Variants in SLC13A4 observed in about 807,000 individuals in gnomAD.
SLC13A4 encodes the protein Na(+)/sulfate cotransporter SUT-1.
In SLC13A4, 28 loss-of-function variants were observed where a neutral mutation model predicts 72.7. The ratio of observed to expected loss-of-function variants is 0.39; its 90% CI spans 0.29 to 0.53. SLC13A4 has a LOEUF of 0.53. SLC13A4 is among the 20% of genes least tolerant of loss of function. The pLI, the probability that SLC13A4 is intolerant of heterozygous loss-of-function variation, is 0.78. For missense variants in SLC13A4, 653 were observed against 788.0 expected, an observed-to-expected ratio of 0.83 and a Z score of 2.05; for synonymous variants, 312 against 325.5, an observed-to-expected ratio of 0.96 and a Z score of 0.45.
At chr7:135,726,973 G>A (rs960969961) in intron 1 of SLC13A4, among the ~76,000 whole-genome samples, 2 of 152,146 alleles carry the variant, frequency 1.3e-5, no homozygotes, top group African/African-American at 4.8e-5. Context: ...CTTCTCCTCA[G>A]TGCCACTATT....
intron 13 of SLC13A4, among the ~76,000 whole-genome samples, chr7:135,686,532 C>A (rs1337666489): frequency 6.6e-6 from 1 of 152,144 alleles, no homozygotes; most frequent in African/African-American, 2.4e-5. Context: ...CATACCATCA[C>A]GCCCTGCTCT....
intron 13 of SLC13A4, among the ~76,000 whole-genome samples, chr7:135,689,465 G>T (rs922009843): frequency 1.3e-5 from 2 of 152,186 alleles, no homozygotes; most frequent in African/African-American, 2.4e-5. Flanking sequence ...TGAATCAGAG[G>T]TGAGAGATGG....
chr7:135,716,671 A>G (rs1796440398), intron 2 of SLC13A4, among the ~76,000 whole-genome samples: 2 of 152,188 alleles, frequency 1.3e-5, no homozygotes, highest in African/African-American at 2.4e-5. Flanking sequence ...TTAAGAGCTC[A>G]AGTTCTGGAA....
At chr7:135,692,275 G>T in intron 11 of SLC13A4, 48 bp downstream of exon 11, 1 of 1,332,512 alleles carries the variant, frequency 7.5e-7, no homozygotes, top group Non-Finnish European at 1.1e-6. Flanking sequence ...CTTGCCTGAA[G>T]AATTGGGGTG....
Position 135,681,295 on chromosome 7 carries a change from G to A in SLC13A4, c.*268C>T, listed in dbSNP as rs1795492340. The A allele has an allele frequency of 2.8e-6, 1 of 352,874 alleles. No individual in the cohort carries two copies. The highest frequency in any genetic ancestry group is 1.5e-4 in the South Asian group (1 of 6,854). The allele number at this position is 352,874 out of a possible 1,614,324, so 21.9% of individuals were successfully genotyped here. ...TTATTTTCTTTTTCTTTTTCTGTGA[G>A]CCTATGGCTTGTATTGAAACTTTAG... On this transcript the variant is annotated 3_prime_UTR_variant, in exon 16 of 16. Coordinates refer to ENST00000682651, the MANE Select transcript of SLC13A4 (RefSeq NM_001318192.2).
rs1475734041 is a variant in SLC13A4, at chr7:135,727,629, G to C, written c.-133C>G. On this transcript the variant is annotated 5_prime_UTR_variant, in exon 1 of 16. Coordinates refer to ENST00000682651, the MANE Select transcript of SLC13A4 (RefSeq NM_001318192.2). ...CTTCCGAGAGTCCTCCTTCGTCTTG[G>C]GGGCAGAACGGGAGGGCAGTTATAC... 4.3e-6 allele frequency: 5 copies of C among 1,159,050 alleles called. No individual in the cohort carries two copies. The highest frequency in any genetic ancestry group is 5.9e-6 in the Non-Finnish European group (5 of 845,908). The allele number at this position is 1,159,050 out of a possible 1,614,324, so 71.8% of individuals were successfully genotyped here.
chr7:135,683,457 C>T (rs1468877363), intron 15 of SLC13A4: 18 of 984,700 alleles, frequency 1.8e-5, no homozygotes, highest in African/African-American at 3.5e-5. Context: ...ATCAGTAATT[C>T]GTATCAGTGT....
At chr7:135,709,449 T>C (rs1796248764) in intron 2 of SLC13A4, among the ~76,000 whole-genome samples, 2 of 150,868 alleles carry the variant, frequency 1.3e-5, no homozygotes, top group Non-Finnish European at 2.9e-5. Context: ...AGACAGGGTC[T>C]CACTCTGTCA....
intron 2 of SLC13A4, among the ~76,000 whole-genome samples, chr7:135,712,946 C>T (rs1796336235): frequency 6.6e-6 from 1 of 152,208 alleles, no homozygotes; most frequent in Non-Finnish European, 1.5e-5. Context: ...ATAGCCTCTG[C>T]CCAGGGAGCC....
At chr7:135,699,238 C>G in intron 8 of SLC13A4, 126 bp downstream of exon 8, 1 of 973,428 alleles carries the variant, frequency 1.0e-6, no homozygotes. Flanking sequence ...CTGTGCTCAG[C>G]CTGTTTTTCC....
rs1343663099 is a variant in SLC13A4, at chr7:135,705,630, G to A, written c.559C>T (p.Gln187Ter). 6.2e-7 allele frequency: 1 copy of A among 1,613,974 alleles called. No homozygotes were observed. The highest frequency in any genetic ancestry group is 2.2e-5 in the East Asian group (1 of 44,894). Residue 187 changes from glutamine to a stop codon, truncating the protein, a stop_gained, in exon 5 of 16, where the codon CAA (glutamine) becomes TAA (stop). Coordinates refer to ENST00000682651, the MANE Select transcript of SLC13A4 (RefSeq NM_001318192.2). LOFTEE classifies it high-confidence loss of function. ...EPISLDVKNS[Q>*]PSLELIFVNE... ...ACAAAGATGAGTTCCAGAGAAGGTTGGCTGTTCTTTACATCCAGACCTATG... is the reference window on the plus strand; with the variant it reads ...ACAAAGATGAGTTCCAGAGAAGGTTAGCTGTTCTTTACATCCAGACCTATG...
chr7:135,706,584 A>G (rs1796167155), intron 3 of SLC13A4, among the ~76,000 whole-genome samples: 1 of 152,268 alleles, frequency 6.6e-6, no homozygotes, highest in Non-Finnish European at 1.5e-5. Context: ...TAGTAGGGCC[A>G]CAGGGTGTAG....
intron 2 of SLC13A4, among the ~76,000 whole-genome samples, chr7:135,711,688 C>A (rs575702462): frequency 6.6e-6 from 1 of 152,262 alleles, no homozygotes; most frequent in East Asian, 1.9e-4. Flanking sequence ...CCATCTGATT[C>A]AACTCTAGGG....
At chr7:135,683,328 TA>T in intron 15 of SLC13A4, 1 of 240,608 alleles carries the variant, frequency 4.2e-6, no homozygotes, top group Non-Finnish European at 5.6e-6. Flanking sequence ...AAAAAAAGGA[TA>T]AAAAAGGACC....
At chr7:135,726,818 T>C (rs1220235284) in intron 1 of SLC13A4, among the ~76,000 whole-genome samples, 1 of 152,194 alleles carries the variant, frequency 6.6e-6, no homozygotes, top group Non-Finnish European at 1.5e-5. Flanking sequence ...GCCTGCTAAG[T>C]TCTGCTTTCA....
intron 2 of SLC13A4, among the ~76,000 whole-genome samples, chr7:135,710,882 C>T (rs1796285065): frequency 6.6e-6 from 1 of 151,730 alleles, no homozygotes; most frequent in Admixed American, 6.6e-5. Context: ...CATTCCTCAG[C>T]GGACTACTGT....
rs1182877781 is a variant in SLC13A4 at position 135,727,440 on chromosome 7, G to T, written c.57C>A (p.Val19=). 3 of 1,550,062 alleles carry T rather than the reference G, an allele frequency of 1.9e-6. No individual in the cohort carries two copies. The highest frequency in any genetic ancestry group is 2.6e-6 in the Non-Finnish European group (3 of 1,146,922). ...RVRKLLLVVC[V]PLLLLPLPVL... ...CGGGCAGAGGCAGCAGCAGGAGCGGGACGCAGACGACCAGCAGCAGCTTCC... is the reference window on the plus strand; with the variant it reads ...CGGGCAGAGGCAGCAGCAGGAGCGGTACGCAGACGACCAGCAGCAGCTTCC... The change falls in exon 1 of 16, where the codon GTC becomes GTA. Residue 19 remains valine (V), a synonymous_variant. Transcript: ENST00000682651.
intron 7 of SLC13A4, among the ~76,000 whole-genome samples, chr7:135,700,313 GT>G (rs1487232105): frequency 2.0e-5 from 3 of 152,168 alleles, no homozygotes; most frequent in Non-Finnish European, 4.4e-5. Flanking sequence ...GGTCTCAAGT[GT>G]TTCCTGAAGA....
chr7:135,690,886 C>T (rs930612563), intron 13 of SLC13A4, among the ~76,000 whole-genome samples: 4 of 152,116 alleles, frequency 2.6e-5, no homozygotes, highest in Non-Finnish European at 4.4e-5. Flanking sequence ...GAATTCAAGC[C>T]GGGTGCAGTG....
Sources: gnomAD v4.1 joint callset for allele counts (sites outside exome capture counted in the v4.1 genomes callset) on GRCh38, gnomAD v4.1.1 for gene constraint, MANE v1.5 for transcripts, NCBI Gene and HGNC (gene_info 2026-07-23, HGNC 2026-07-21) for gene names.